Variants in E2F3 observed in about 807,000 individuals in gnomAD.
The protein encoded by E2F3 is E2F transcription factor 3.
E2F3 carries 11 observed loss-of-function variants against 44.4 expected under a neutral mutation model. The ratio of observed to expected loss-of-function variants is 0.25; its 90% CI spans 0.16 to 0.41. E2F3 has a LOEUF of 0.41. E2F3 is among the 10% of genes least tolerant of loss of function. E2F3 has a pLI of 1.00. For synonymous variants in E2F3, 249 were observed against 253.0 expected (o/e 0.98, Z 0.15); for missense variants, 487 against 583.6 (o/e 0.83, Z 1.70).
At chr6:20,428,676 G>T (rs1243242322) in intron 1 of E2F3, among the ~76,000 whole-genome samples, 1 of 152,166 alleles carries the variant, frequency 6.6e-6, no homozygotes, top group Non-Finnish European at 1.5e-5. Flanking sequence ...TAGAGTTGGT[G>T]CTGAAAACAG....
chr6:20,491,987 G>A lies in E2F3; in HGVS notation c.*1557G>A, dbSNP rs1762565591. ...ACTGGGAATATGGCGTAGTATCTCC[G>A]GTCCATTCCTTGGATGCTAAGGACT... On this transcript the variant is annotated 3_prime_UTR_variant, in exon 7 of 7. Transcript: ENST00000346618. 2 of 187,068 alleles carry A rather than the reference G, an allele frequency of 1.1e-5. No individual in the cohort carries two copies. The highest frequency in any genetic ancestry group is 2.3e-5 in the African/African-American group (1 of 42,734). The allele number at this position is 187,068 out of a possible 1,614,324, so 11.6% of individuals were successfully genotyped here.
intron 1 of E2F3, among the ~76,000 whole-genome samples, chr6:20,474,810 A>G (rs547988731): frequency 7.2e-5 from 11 of 152,238 alleles, no homozygotes; most frequent in Non-Finnish European, 1.3e-4. Flanking sequence ...TATTGCACCC[A>G]TGTTCAGATC....
chr6:20,485,601 C>G lies in E2F3; in HGVS notation c.885-1088C>G, dbSNP rs191021756. Among the ~76,000 whole-genome samples the G allele has an allele frequency of 2.0e-5, 3 of 152,218 alleles. No individual in the cohort carries two copies. The East Asian group carries it at 5.8e-4, about 29-fold the overall frequency. ...CTCAAAAAGAAAAAGGAAATAACTA[C>G]CAAGAGTACTGAGATATTATACTTT... On this transcript the variant is annotated intron_variant, in intron 4 of 6. Transcript: ENST00000346618.
intron 1 of E2F3, among the ~76,000 whole-genome samples, chr6:20,436,570 G>A (rs1760592904): frequency 6.6e-6 from 1 of 152,064 alleles, no homozygotes; most frequent in Non-Finnish European, 1.5e-5. Flanking sequence ...GGCCACATGC[G>A]GCCCGTGGGC....
chr6:20,479,053 A>G (rs965732117), intron 1 of E2F3, among the ~76,000 whole-genome samples: 1 of 152,240 alleles, frequency 6.6e-6, no homozygotes, highest in African/African-American at 2.4e-5. Context: ...TGGATATTTT[A>G]AAATTTAATT....
intron 1 of E2F3, among the ~76,000 whole-genome samples, chr6:20,474,934 G>A (rs1170743077): frequency 3.3e-5 from 5 of 152,324 alleles, no homozygotes; most frequent in East Asian, 1.9e-4. Flanking sequence ...CTTCTGAAAA[G>A]GGGAAATGAC....
intron 1 of E2F3, among the ~76,000 whole-genome samples, chr6:20,412,192 G>GGA (rs1274311059): frequency 6.6e-6 from 1 of 152,146 alleles, no homozygotes; most frequent in African/African-American, 2.4e-5. Flanking sequence ...AAGTGCCAGA[G>GGA]GAACAGGTGA....
chr6:20,441,112 A>T (rs533779003), intron 1 of E2F3, among the ~76,000 whole-genome samples: 1 of 152,102 alleles, frequency 6.6e-6, no homozygotes, highest in Non-Finnish European at 1.5e-5. Flanking sequence ...CCATGTCCAG[A>T]TTTTTTTCAC....
chr6:20,412,176 G>A lies in E2F3; in HGVS notation c.393+9551G>A, dbSNP rs549268875. 5.3e-5 allele frequency among the ~76,000 whole-genome samples: 8 copies of A among 152,230 alleles called. No individual in the cohort carries two copies. The South Asian group carries it at 6.2e-4, about 12-fold the overall frequency. ...ATCTAGTCCTCAGTTGTGTGGTGTCGACAGAAAGTGCCAGAGGAACAGGTG... is the reference window on the plus strand; with the variant it reads ...ATCTAGTCCTCAGTTGTGTGGTGTCAACAGAAAGTGCCAGAGGAACAGGTG... On this transcript the variant is annotated intron_variant, in intron 1 of 6. Coordinates refer to ENST00000346618, the MANE Select transcript of E2F3 (RefSeq NM_001949.5).
chr6:20,477,283 A>G (rs989792651), intron 1 of E2F3, among the ~76,000 whole-genome samples: 5 of 152,186 alleles, frequency 3.3e-5, no homozygotes, highest in Admixed American at 2.0e-4. Context: ...GTTGACTAGA[A>G]GCCTTACCAA....
intron 1 of E2F3, among the ~76,000 whole-genome samples, chr6:20,425,455 C>A (rs1760184018): frequency 6.7e-6 from 1 of 150,056 alleles, no homozygotes; most frequent in African/African-American, 2.5e-5. Flanking sequence ...GTGGCACGAT[C>A]TTGGCTCACT....
chr6:20,405,608 CGGTCAAGAGATCCAGACCATCCT>C (rs1561844920), intron 1 of E2F3, among the ~76,000 whole-genome samples: 1 of 152,096 alleles, frequency 6.6e-6, no homozygotes. Flanking sequence ...GCGGATCACG[CGGTCAAGAGATCCAGACCATCCT>C]GGCCAACATG....
intron 1 of E2F3, among the ~76,000 whole-genome samples, chr6:20,416,527 G>A (rs1759851806): frequency 6.6e-6 from 1 of 152,176 alleles, no homozygotes; most frequent in African/African-American, 2.4e-5. Context: ...ATGGTTCTAA[G>A]TATGTGGTGC....
At chr6:20,424,330 A>G (rs1048471938) in intron 1 of E2F3, among the ~76,000 whole-genome samples, 8 of 139,584 alleles carry the variant, frequency 5.7e-5, no homozygotes, top group African/African-American at 2.2e-4. Flanking sequence ...CGCTTTCCCC[A>G]CGCATGCACT....
chr6:20,421,357 A>G (rs1270824012), intron 1 of E2F3, among the ~76,000 whole-genome samples: 2 of 152,250 alleles, frequency 1.3e-5, no homozygotes, highest in African/African-American at 2.4e-5. Context: ...AGGAATCACT[A>G]TTTATGGCAG....
At chr6:20,452,968 A>G (rs1294073959) in intron 1 of E2F3, among the ~76,000 whole-genome samples, 1 of 138,710 alleles carries the variant, frequency 7.2e-6, no homozygotes, top group Non-Finnish European at 1.5e-5. Flanking sequence ...AAAAGAAGCC[A>G]TTTGTTTTTC....
chr6:20,488,340 C>T, intron 6 of E2F3, 92 bp downstream of exon 6: 3 of 1,401,202 alleles, frequency 2.1e-6, no homozygotes, highest in Non-Finnish European at 2.9e-6. Context: ...AGGCAAGAAA[C>T]ACAAACTTCT....
intron 1 of E2F3, among the ~76,000 whole-genome samples, chr6:20,453,554 A>G (rs1203760763): frequency 6.6e-6 from 1 of 152,084 alleles, no homozygotes; most frequent in Non-Finnish European, 1.5e-5. Flanking sequence ...AGCTGGGACC[A>G]CAGGTGCACA....
intron 1 of E2F3, among the ~76,000 whole-genome samples, chr6:20,452,778 C>A (rs1442824646): frequency 6.6e-6 from 1 of 151,884 alleles, no homozygotes; most frequent in East Asian, 1.9e-4. Context: ...ATGGTGAAAC[C>A]CCGTCTCTAC....
Sources: allele counts gnomAD v4.1 joint callset (sites outside exome capture counted in the v4.1 genomes callset), GRCh38; gene constraint gnomAD v4.1.1; transcripts MANE v1.5; gene names NCBI Gene and HGNC (gene_info 2026-07-23, HGNC 2026-07-21).